The following PRELID2 variants were observed in gnomAD, a reference collection of about 807,000 sequenced individuals.
PRELID2 encodes the protein PRELI domain-containing protein 2.
PRELID2 carries 25 observed loss-of-function variants against 28.4 expected under a neutral mutation model. The observed-to-expected ratio is 0.88, with a 90% CI of 0.64 to 1.23. The LOEUF (loss-of-function observed/expected upper bound fraction) is 1.23. Among genes scored for constraint, PRELID2 ranks in the 50% most tolerant of loss-of-function variants. The pLI is 0.00. For synonymous variants in PRELID2, 76 were observed against 71.6 expected (o/e 1.06, Z -0.31); for missense variants, 201 against 214.4 (o/e 0.94, Z 0.39).
At position 145,780,163 on chromosome 5, in the gene PRELID2, A is replaced by G. The variant is rs184932096; in HGVS notation, c.475-15163T>C. ...CCCCATCTCTACTAAAAATATAAAAATTAGCCAGGTGTGGTGGCAGGTGCC... is the reference window on the plus strand; with the variant it reads ...CCCCATCTCTACTAAAAATATAAAAGTTAGCCAGGTGTGGTGGCAGGTGCC... On this transcript the variant is annotated intron_variant, in intron 5 of 6. Coordinates refer to ENST00000683046, the MANE Select transcript of PRELID2 (RefSeq NM_205846.3). 2.8e-4 allele frequency among the ~76,000 whole-genome samples: 42 copies of G among 152,304 alleles called. 1 individual carries two copies. Among genetic ancestry groups the G allele is most frequent in the African/African-American group, 9.9e-4 (41 of 41,564 alleles).
intron 5 of PRELID2, among the ~76,000 whole-genome samples, chr5:145,786,782 T>A (rs998840383): frequency 1.8e-4 from 27 of 152,218 alleles, no homozygotes; most frequent in Non-Finnish European, 3.4e-4. Context: ...TGAACTACAT[T>A]TGTAGTATCT....
At chr5:145,288,722 A>G in the PRELID2 span, among the ~76,000 whole-genome samples, 1 of 152,106 alleles carries the variant, frequency 6.6e-6, no homozygotes, top group East Asian at 1.9e-4. Context: ...TAAGTATAAA[A>G]TATTCATGTG....
At chr5:145,342,243 A>G in the PRELID2 span, among the ~76,000 whole-genome samples, 2 of 152,164 alleles carry the variant, frequency 1.3e-5, no homozygotes, top group Non-Finnish European at 2.9e-5. Context: ...ATTCCCCACA[A>G]AAAAAGGTTC....
At chr5:145,719,005 G>C (rs908742243) in intron 1 of PRELID2, among the ~76,000 whole-genome samples, 2 of 151,996 alleles carry the variant, frequency 1.3e-5, no homozygotes, top group Non-Finnish European at 2.9e-5. Flanking sequence ...CAAATGTAAA[G>C]AGTTCTGCTT....
the PRELID2 span, among the ~76,000 whole-genome samples, chr5:145,392,561 TATAAC>T: frequency 6.6e-6 from 1 of 152,080 alleles, no homozygotes; most frequent in African/African-American, 2.4e-5. Flanking sequence ...AAGTAAATAA[TATAAC>T]AGAATTGCAG....
the PRELID2 span, among the ~76,000 whole-genome samples, chr5:145,299,080 C>A: frequency 6.6e-5 from 10 of 151,966 alleles, no homozygotes; most frequent in Admixed American, 6.6e-4. Context: ...ATAATTAACT[C>A]CCAAATACTC....
chr5:145,822,331 G>A (rs1754887791), intron 2 of PRELID2, among the ~76,000 whole-genome samples: 1 of 152,108 alleles, frequency 6.6e-6, no homozygotes, highest in East Asian at 1.9e-4. Context: ...AACATTTTCT[G>A]CAAAGAATCA....
chr5:145,266,142 G>T, the PRELID2 span, among the ~76,000 whole-genome samples: 1 of 150,832 alleles, frequency 6.6e-6, no homozygotes, highest in Admixed American at 6.7e-5. Context: ...TCCCATCATG[G>T]TCTCAAACTC....
chr5:145,499,857 T>C (rs1257379865), intron 1 of PRELID2, among the ~76,000 whole-genome samples: 2 of 152,228 alleles, frequency 1.3e-5, no homozygotes, highest in Non-Finnish European at 2.9e-5. Context: ...TAAAGTCATA[T>C]AAACAAAGGC....
intron 1 of PRELID2, among the ~76,000 whole-genome samples, chr5:145,672,923 C>T (rs933547239): frequency 6.6e-6 from 1 of 152,120 alleles, no homozygotes; most frequent in Non-Finnish European, 1.5e-5. Flanking sequence ...ATATACCTCA[C>T]ACAGCTATGA....
chr5:145,410,134 A>G, the PRELID2 span, among the ~76,000 whole-genome samples: 1 of 152,210 alleles, frequency 6.6e-6, no homozygotes, highest in African/African-American at 2.4e-5. Context: ...CTGGATTCTC[A>G]TCTCTCACCT....
At chr5:145,575,188 T>C (rs1007123470) in intron 1 of PRELID2, among the ~76,000 whole-genome samples, 1 of 152,108 alleles carries the variant, frequency 6.6e-6, no homozygotes, top group African/African-American at 2.4e-5. Flanking sequence ...TCGGGGTTTG[T>C]CTGCCTCAAA....
chr5:145,312,856 T>C, the PRELID2 span, among the ~76,000 whole-genome samples: 1 of 152,160 alleles, frequency 6.6e-6, no homozygotes, highest in Non-Finnish European at 1.5e-5. Flanking sequence ...TTGATTCTAT[T>C]TCTTCTAGCT....
chr5:145,585,842 A>G (rs1753149556), intron 1 of PRELID2, among the ~76,000 whole-genome samples: 1 of 152,092 alleles, frequency 6.6e-6, no homozygotes, highest in Admixed American at 6.6e-5. Flanking sequence ...AGAGATACCG[A>G]AAAGCCTTGG....
At chr5:145,605,840 C>G (rs760634687) in intron 1 of PRELID2, among the ~76,000 whole-genome samples, 1 of 151,856 alleles carries the variant, frequency 6.6e-6, no homozygotes, top group African/African-American at 2.4e-5. Flanking sequence ...AGCATTGAAT[C>G]TGTATTTTGC....
chr5:145,602,080 G>A (rs1036961117), intron 1 of PRELID2, among the ~76,000 whole-genome samples: 2 of 152,194 alleles, frequency 1.3e-5, no homozygotes, highest in African/African-American at 4.8e-5. Flanking sequence ...ATGTATTGAA[G>A]AGAGTGGGCT....
At chr5:145,512,575 G>T (rs113065833) in intron 1 of PRELID2, among the ~76,000 whole-genome samples, 1 of 152,178 alleles carries the variant, frequency 6.6e-6, no homozygotes, top group Non-Finnish European at 1.5e-5. Context: ...AGACTTAAAT[G>T]TTCTTGCCTG....
intron 6 of PRELID2, among the ~76,000 whole-genome samples, chr5:145,763,726 C>G (rs1581155385): frequency 1.3e-5 from 2 of 152,266 alleles, no homozygotes; most frequent in East Asian, 3.9e-4. Context: ...TGAGGTAATT[C>G]TACATTACCC....
At chr5:145,603,629 G>A (rs1449021279) in intron 1 of PRELID2, among the ~76,000 whole-genome samples, 1 of 151,806 alleles carries the variant, frequency 6.6e-6, no homozygotes, top group Non-Finnish European at 1.5e-5. Flanking sequence ...AAGGTAGAGG[G>A]AAAAAGGATA....
Sources: allele counts gnomAD v4.1 joint callset (sites outside exome capture counted in the v4.1 genomes callset), GRCh38; gene constraint gnomAD v4.1.1; transcripts MANE v1.5; gene names NCBI Gene and HGNC (gene_info 2026-07-23, HGNC 2026-07-21).